Variants in VWA3A observed in about 807,000 individuals in gnomAD.
VWA3A encodes von Willebrand factor A domain-containing protein 3A.
Under a neutral mutation model 160.4 loss-of-function variants are expected in VWA3A, and 134 were observed. That is an observed-to-expected ratio of 0.84 (90% CI 0.73 to 0.96). The LOEUF is 0.96. VWA3A is among the 40% of genes least tolerant of loss of function. VWA3A has a pLI of 0.00. For missense variants in VWA3A, 1,310 were observed against 1,447.9 expected (o/e 0.90, Z 1.55); for synonymous variants, 476 against 543.4 (o/e 0.88, Z 1.72).
intron 12 of VWA3A, among the ~76,000 whole-genome samples, chr16:22,120,555 T>C (rs1384314595): frequency 6.6e-6 from 1 of 152,236 alleles, no homozygotes; most frequent in African/African-American, 2.4e-5. Flanking sequence ...CTATTTTTAC[T>C]TACACATTCG....
intron 22 of VWA3A, among the ~76,000 whole-genome samples, chr16:22,139,344 G>A (rs1202912808): frequency 6.6e-6 from 1 of 152,146 alleles, no homozygotes; most frequent in South Asian, 2.1e-4. Context: ...GACAGTGACT[G>A]TTTAATGACC....
chr16:22,155,675 C>A lies in VWA3A; in HGVS notation c.3503+11C>A. 6.2e-7 allele frequency: 1 copy of A among 1,613,202 alleles called. No individual in the cohort carries two copies. Among genetic ancestry groups the A allele is most frequent in the Non-Finnish European group, 8.5e-7 (1 of 1,179,250 alleles). On this transcript the variant is annotated intron_variant, in intron 32 of 33. Coordinates refer to ENST00000389398, the MANE Select transcript of VWA3A (RefSeq NM_173615.5). Reference sequence around the variant, plus strand: ...GGCCCAATCCTTCAGGTATGCCCTTCACGCAGCCTCTCCGGCCTGCCATGT... The same window carrying A: ...GGCCCAATCCTTCAGGTATGCCCTTAACGCAGCCTCTCCGGCCTGCCATGT...
chr16:22,152,654 A>G lies in VWA3A; in HGVS notation c.3405+20A>G. 2 of 1,592,390 alleles carry G rather than the reference A, an allele frequency of 1.3e-6. No individual in the cohort carries two copies. The highest frequency in any genetic ancestry group is 2.3e-5 in the South Asian group (2 of 87,606). ...GAAAAGGTAGGTTGCAGAGCCACTG[A>G]GCATGAGGTCTGTTGAAACGGCTCG... On this transcript the variant is annotated intron_variant, in intron 31 of 33. Coordinates refer to ENST00000389398, the MANE Select transcript of VWA3A (RefSeq NM_173615.5).
chr16:22,116,496 AAG>A (rs1356966262), intron 9 of VWA3A: 2 of 546,744 alleles, frequency 3.7e-6, no homozygotes, highest in Admixed American at 6.2e-5. Context: ...AAGAGAAGGA[AAG>A]AGAGAAAAGA....
At chr16:22,122,198 T>A (rs921117068) in intron 14 of VWA3A, among the ~76,000 whole-genome samples, 7 of 116,608 alleles carry the variant, frequency 6.0e-5, no homozygotes, top group Middle Eastern at 6.6e-3. Flanking sequence ...GATAGATAGA[T>A]GGATGGATAG....
At chr16:22,106,734 T>C (rs1419968642) in intron 6 of VWA3A, among the ~76,000 whole-genome samples, 2 of 152,182 alleles carry the variant, frequency 1.3e-5, no homozygotes, top group Non-Finnish European at 2.9e-5. Context: ...AGAATCACGC[T>C]GGCTGCTGCA....
chr16:22,137,316 G>C (rs969299242), intron 21 of VWA3A, among the ~76,000 whole-genome samples: 2 of 152,132 alleles, frequency 1.3e-5, no homozygotes, highest in Non-Finnish European at 2.9e-5. Context: ...TAGGCAAAAG[G>C]CATTGAGTAT....
chr16:22,132,382 CAAAAAAAA>C (rs775248257), intron 19 of VWA3A, among the ~76,000 whole-genome samples: 1 of 115,232 alleles, frequency 8.7e-6, no homozygotes, highest in Non-Finnish European at 1.8e-5. Context: ...AACTCCATCT[CAAAAAAAA>C]AAAAAAAATT....
At chr16:22,148,015 T>A in intron 27 of VWA3A, 147 bp from the exon 28 acceptor site, 1 of 1,059,004 alleles carries the variant, frequency 9.4e-7, no homozygotes, top group Non-Finnish European at 1.3e-6. Flanking sequence ...ACAAAAGCCG[T>A]CTCTCAGTGG....
chr16:22,116,939 C>G, intron 10 of VWA3A, 72 bp downstream of exon 10: 1 of 1,481,514 alleles, frequency 6.7e-7, no homozygotes. Flanking sequence ...TTTGAGGCCT[C>G]ATGCTTGGAC....
intron 3 of VWA3A, 68 bp from the exon 4 acceptor site, chr16:22,100,126 G>T: frequency 6.8e-7 from 1 of 1,474,832 alleles, no homozygotes; most frequent in Admixed American, 2.6e-5. Flanking sequence ...TTGGGTATCT[G>T]TGTGAAGGGA....
chr16:22,148,336 A>T, intron 28 of VWA3A, 30 bp downstream of exon 28: 1 of 1,572,322 alleles, frequency 6.4e-7, no homozygotes. Flanking sequence ...CAGGAAGATC[A>T]AAGGGGCAGT....
In VWA3A at chr16:22,156,590, T is replaced by C. The variant is rs2046444778; in HGVS notation, c.*573T>C. On this transcript the variant is annotated 3_prime_UTR_variant, in exon 34 of 34. Coordinates refer to ENST00000389398, the MANE Select transcript of VWA3A (RefSeq NM_173615.5). ...CTGCAGGTCCCCAGAAGCTGCCACA[T>C]AGGAGACACATGGTGAACAGTGAGC... 1.3e-5 allele frequency: 2 copies of C among 152,368 alleles called. No homozygotes were observed. Among genetic ancestry groups the C allele is most frequent in the Non-Finnish European group, 2.9e-5 (2 of 68,144 alleles). The allele number at this position is 152,368 out of a possible 1,614,324, so 9.4% of individuals were successfully genotyped here.
chr16:22,152,677 T>C (rs919264003), intron 31 of VWA3A, 43 bp downstream of exon 31: 1 of 1,569,460 alleles, frequency 6.4e-7, no homozygotes, highest in Non-Finnish European at 8.6e-7. Context: ...TTGAAACGGC[T>C]CGATAAAATA....
chr16:22,092,629 G>A lies in VWA3A; in HGVS notation c.-9G>A. 1.3e-6 allele frequency: 2 copies of A among 1,550,772 alleles called. No individual in the cohort carries two copies. The highest frequency in any genetic ancestry group is 8.7e-7 in the Non-Finnish European group (1 of 1,146,396). On this transcript the variant is annotated 5_prime_UTR_variant, in exon 1 of 34. Coordinates refer to ENST00000389398, the MANE Select transcript of VWA3A (RefSeq NM_173615.5). The stretch of plus-strand genomic sequence containing the variant: ...GCCAGGAGCCCTTCTCCCAAAGATG[G>A]AGAAATAAATGAAGAAATACAGGTG...
Position 22,109,499 on chromosome 16 carries a change from A to AG in VWA3A, c.505dup (p.Ala169GlyfsTer31). On this transcript the variant is annotated frameshift_variant, in exon 7 of 34. Coordinates refer to ENST00000389398, the MANE Select transcript of VWA3A (RefSeq NM_173615.5). LOFTEE classifies it high-confidence loss of function. The stretch of plus-strand genomic sequence containing the variant: ...GGTTTTAGGCATTTGGCCTCATCAA[A>AG]GGGGCCAGAGTCAGCATCCTCATAG... 1.9e-6 allele frequency: 3 copies of AG among 1,607,696 alleles called. No individual in the cohort carries two copies. The South Asian group carries it at 3.4e-5, about 18-fold the overall frequency.
rs561447455 is a variant in VWA3A at position 22,108,121 on chromosome 16, T to C, written c.484-1361T>C. 3.9e-5 allele frequency among the ~76,000 whole-genome samples: 6 copies of C among 152,232 alleles called. No homozygotes were observed. The South Asian group carries it at 1.2e-3, about 32-fold the overall frequency. On this transcript the variant is annotated intron_variant, in intron 6 of 33. Transcript: ENST00000389398. ...CTTGACATGTGTGGTTTCAGAGGAATAGGAAGGTGAGAACCTAACTTGAAT... is the reference window on the plus strand; with the variant it reads ...CTTGACATGTGTGGTTTCAGAGGAACAGGAAGGTGAGAACCTAACTTGAAT...
intron 27 of VWA3A, among the ~76,000 whole-genome samples, chr16:22,147,864 G>A (rs911271535): frequency 6.6e-6 from 1 of 152,158 alleles, no homozygotes; most frequent in Non-Finnish European, 1.5e-5. Context: ...TTAACTTTAA[G>A]GATAAGGAAA....
In VWA3A at chr16:22,150,719, G is replaced by A. The variant is rs776237656; in HGVS notation, c.3154G>A (p.Glu1052Lys). 1.9e-6 allele frequency: 3 copies of A among 1,610,586 alleles called. No individual in the cohort carries two copies. The highest frequency in any genetic ancestry group is 1.1e-5 in the South Asian group (1 of 90,282). The part of the protein sequence containing the change: ...LLKAFSFHDL[E>K]GLYLLTDGKP... ...GAAAGCTTTCAGTTTCCATGATCTG[G>A]AAGGATTGTACCTCCTGACCGACGG... Residue 1052 changes from glutamate to lysine, a missense_variant, in exon 30 of 34, where the codon GAA becomes AAA. Coordinates refer to ENST00000389398, the MANE Select transcript of VWA3A (RefSeq NM_173615.5).
Sources: allele counts gnomAD v4.1 joint callset (sites outside exome capture counted in the v4.1 genomes callset), GRCh38; gene constraint gnomAD v4.1.1; transcripts MANE v1.5; gene names NCBI Gene and HGNC (gene_info 2026-07-23, HGNC 2026-07-21).